Variants in SGCZ observed in about 807,000 individuals in gnomAD.
The protein encoded by SGCZ is sarcoglycan zeta.
SGCZ carries 40 observed loss-of-function variants against 41.3 expected under a neutral mutation model. The observed-to-expected ratio is 0.97, with a 90% CI of 0.75 to 1.26. SGCZ has a LOEUF of 1.26. Among genes scored for constraint, SGCZ ranks in the 50% most tolerant of loss-of-function variants. The pLI, the probability that SGCZ is intolerant of heterozygous loss-of-function variation, is 0.00. For missense variants in SGCZ, 552 were observed against 369.8 expected (o/e 1.49, Z -4.04); for synonymous variants, 206 against 137.5 (o/e 1.50, Z -3.49).
chr8:14,193,934 A>G, intron 4 of SGCZ, among the ~76,000 whole-genome samples: 1 of 151,850 alleles, frequency 6.6e-6, no homozygotes, highest in Non-Finnish European at 1.5e-5. Flanking sequence ...TGTTAATTAA[A>G]TTTTCACCTG....
intron 5 of SGCZ, among the ~76,000 whole-genome samples, chr8:14,116,017 T>G (rs1802511629): frequency 6.6e-6 from 1 of 152,076 alleles, no homozygotes; most frequent in African/African-American, 2.4e-5. Flanking sequence ...CAGCAGCACT[T>G]TCATTGCTTA....
chr8:15,200,746 A>G (rs372108374), intron 1 of SGCZ, among the ~76,000 whole-genome samples: 4 of 152,148 alleles, frequency 2.6e-5, no homozygotes, highest in African/African-American at 9.7e-5. Flanking sequence ...GGAACTATCA[A>G]TATCATTTAG....
rs56356224 is a variant in SGCZ, at chr8:14,818,418, G to C, written c.40-263492C>G. On this transcript the variant is annotated intron_variant, in intron 1 of 7. Coordinates refer to ENST00000382080, the MANE Select transcript of SGCZ (RefSeq NM_139167.4). Reference sequence around the variant, plus strand: ...GCACAGAGACCACAGAGGCTAGCCAGAACCAAAACCAACATACCATAACAA... The same window carrying C: ...GCACAGAGACCACAGAGGCTAGCCACAACCAAAACCAACATACCATAACAA... Among the ~76,000 whole-genome samples the C allele has an allele frequency of 2.9e-3, 445 of 152,244 alleles. 1 individual carries two copies. The highest frequency in any genetic ancestry group is 0.014 in the Middle Eastern group (4 of 294).
chr8:14,574,473 T>A (rs953740966), intron 1 of SGCZ, among the ~76,000 whole-genome samples: 2 of 152,184 alleles, frequency 1.3e-5, no homozygotes, highest in Non-Finnish European at 2.9e-5. Context: ...TCCAGAGGGA[T>A]CCTGCCATGT....
chr8:14,505,442 T>C (rs1474845154), intron 2 of SGCZ, among the ~76,000 whole-genome samples: 1 of 152,128 alleles, frequency 6.6e-6, no homozygotes, highest in African/African-American at 2.4e-5. Flanking sequence ...CATTGTTTCT[T>C]TTCTATGTTA....
chr8:15,069,563 C>A (rs1415647524), intron 1 of SGCZ, among the ~76,000 whole-genome samples: 1 of 152,164 alleles, frequency 6.6e-6, no homozygotes, highest in Non-Finnish European at 1.5e-5. Context: ...GAAGAGCAAC[C>A]TCCAGGTTCC....
intron 1 of SGCZ, among the ~76,000 whole-genome samples, chr8:14,831,537 A>C (rs1450388759): frequency 2.0e-5 from 3 of 152,094 alleles, no homozygotes; most frequent in Non-Finnish European, 4.4e-5. Flanking sequence ...TACTAGACAC[A>C]CAACTTTGGG....
chr8:14,173,911 A>C (rs1266082604), intron 4 of SGCZ, among the ~76,000 whole-genome samples: 1 of 152,132 alleles, frequency 6.6e-6, no homozygotes, highest in Non-Finnish European at 1.5e-5. Flanking sequence ...ATAAAAACAG[A>C]CATGCTAACA....
chr8:14,382,596 T>A (rs974475606), intron 2 of SGCZ, among the ~76,000 whole-genome samples: 1 of 152,056 alleles, frequency 6.6e-6, no homozygotes, highest in Non-Finnish European at 1.5e-5. Context: ...CACACAATCA[T>A]TATTGGGGAC....
intron 1 of SGCZ, among the ~76,000 whole-genome samples, chr8:14,907,596 C>T (rs2130770893): frequency 6.6e-6 from 1 of 152,258 alleles, no homozygotes; most frequent in African/African-American, 2.4e-5. Context: ...GATCCCAGCA[C>T]TTTGGGAAGC....
chr8:14,163,893 G>C (rs879356753), intron 5 of SGCZ, among the ~76,000 whole-genome samples: 3 of 151,922 alleles, frequency 2.0e-5, no homozygotes, highest in Non-Finnish European at 4.4e-5. Context: ...GACCTCCTTG[G>C]GTACTTTCAA....
intron 1 of SGCZ, among the ~76,000 whole-genome samples, chr8:14,611,407 G>C (rs979052099): frequency 1.3e-5 from 2 of 152,066 alleles, no homozygotes; most frequent in Admixed American, 1.3e-4. Context: ...AGAGATTATG[G>C]CTTTCTAAAA....
chr8:14,338,896 C>T (rs1802596356), intron 2 of SGCZ, among the ~76,000 whole-genome samples: 1 of 152,090 alleles, frequency 6.6e-6, no homozygotes, highest in African/African-American at 2.4e-5. Flanking sequence ...TCATTTAAGC[C>T]ACATTTCTGC....
intron 5 of SGCZ, among the ~76,000 whole-genome samples, chr8:14,129,109 G>A (rs901378752): frequency 6.6e-6 from 1 of 152,038 alleles, no homozygotes; most frequent in Non-Finnish European, 1.5e-5. Context: ...CCCTTTGGAA[G>A]GCCGAGGTGG....
At chr8:14,587,237 A>G (rs1025638745) in intron 1 of SGCZ, among the ~76,000 whole-genome samples, 3 of 152,026 alleles carry the variant, frequency 2.0e-5, no homozygotes, top group African/African-American at 4.8e-5. Context: ...CCAAACTTCT[A>G]CTATATCTTA....
At chr8:14,341,947 A>G (rs1802725372) in intron 2 of SGCZ, among the ~76,000 whole-genome samples, 1 of 152,174 alleles carries the variant, frequency 6.6e-6, no homozygotes, top group Non-Finnish European at 1.5e-5. Context: ...ATAATACAGT[A>G]AATTTGTACC....
chr8:15,182,406 T>A (rs1229500210), intron 1 of SGCZ, among the ~76,000 whole-genome samples: 1 of 152,200 alleles, frequency 6.6e-6, no homozygotes, highest in Admixed American at 6.5e-5. Context: ...CACACCTAGA[T>A]AATAGATCCT....
chr8:15,041,435 GAAT>G (rs1804093220), intron 1 of SGCZ, among the ~76,000 whole-genome samples: 1 of 151,840 alleles, frequency 6.6e-6, no homozygotes, highest in South Asian at 2.1e-4. Flanking sequence ...CAATAAAGAT[GAAT>G]ATTATTTCAT....
chr8:14,625,026 A>T (rs1184610957), intron 1 of SGCZ, among the ~76,000 whole-genome samples: 3 of 151,976 alleles, frequency 2.0e-5, no homozygotes, highest in Non-Finnish European at 4.4e-5. Context: ...ATTTTTTTTA[A>T]TATTTAAAGG....
Sources: gnomAD v4.1 joint callset for allele counts (sites outside exome capture counted in the v4.1 genomes callset) on GRCh38, gnomAD v4.1.1 for gene constraint, MANE v1.5 for transcripts, NCBI Gene and HGNC (gene_info 2026-07-23, HGNC 2026-07-21) for gene names.